FRMD4B: variants seen among roughly 807,000 people sequenced by gnomAD.
FRMD4B encodes the protein FERM domain containing 4B.
In FRMD4B, 74 loss-of-function variants were observed where a neutral mutation model predicts 141.5. The ratio of observed to expected loss-of-function variants is 0.52; its 90% CI spans 0.43 to 0.63. The LOEUF is 0.63. Among genes scored for constraint, FRMD4B ranks in the 30% least tolerant of loss-of-function variants. The pLI is 0.00. For synonymous variants in FRMD4B, 506 were observed against 467.9 expected (o/e 1.08, Z -1.05); for missense variants, 1,366 against 1,253.4 (o/e 1.09, Z -1.36).
At chr3:69,299,621 C>G (rs1459071033) in intron 4 of FRMD4B, among the ~76,000 whole-genome samples, 1 of 152,162 alleles carries the variant, frequency 6.6e-6, no homozygotes, top group African/African-American at 2.4e-5. Context: ...TTGCAATGTA[C>G]TTTTTCATCT....
intron 1 of FRMD4B, among the ~76,000 whole-genome samples, chr3:69,347,211 A>C (rs936213267): frequency 6.6e-6 from 1 of 152,230 alleles, no homozygotes; most frequent in African/African-American, 2.4e-5. Context: ...ACTTTAAACC[A>C]ACAAAGATCA....
intron 6 of FRMD4B, among the ~76,000 whole-genome samples, 158 bp downstream of exon 6, chr3:69,249,885 A>C (rs1337877817): frequency 6.6e-6 from 1 of 152,136 alleles, no homozygotes; most frequent in African/African-American, 2.4e-5. Context: ...AACTATTCTA[A>C]AGCAGAAGAC....
chr3:69,181,302 G>A lies in FRMD4B; in HGVS notation c.2448C>T (p.Asp816=). Residue 816 remains aspartate, a synonymous_variant, in exon 21 of 23, where the codon GAC becomes GAT. Transcript: ENST00000398540. ...AGACATAACCACCACTGTAATAAAA[G>A]TCACACTCTGCATAGGGTGTGTACC... ...IAGYTPYAEC[D]FYYSGGYVYE... 1 of 1,613,940 alleles carries A rather than the reference G, an allele frequency of 6.2e-7. No individual in the cohort carries two copies.
At chr3:69,205,254 C>T (rs559707965) in intron 11 of FRMD4B, among the ~76,000 whole-genome samples, 21 of 151,672 alleles carry the variant, frequency 1.4e-4, no homozygotes, top group Middle Eastern at 6.9e-3. Flanking sequence ...GCAGCAGCCT[C>T]GACTTCTCGG....
rs544144706 is a variant in FRMD4B, at chr3:69,392,704, T to C, written c.-1+39930A>G. 2.7e-3 allele frequency among the ~76,000 whole-genome samples: 406 copies of C among 152,182 alleles called. 3 individuals are homozygous for C. The highest frequency in any genetic ancestry group is 0.017 in the Middle Eastern group (5 of 294). On this transcript the variant is annotated intron_variant, in intron 2 of 5. Coordinates refer to the FRMD4B transcript ENST00000459638. ...AGGTTGGTGGGCAAAAGTGCCACCC[T>C]CAAAGCAAGCTTCTCTTGTGGCCTC...
intron 12 of FRMD4B, among the ~76,000 whole-genome samples, chr3:69,197,309 A>G (rs1355458855): frequency 6.6e-6 from 1 of 152,236 alleles, no homozygotes; most frequent in African/African-American, 2.4e-5. Flanking sequence ...ATTAGAGATT[A>G]TACAAAAACA....
At chr3:69,246,375 G>C (rs1208407870) in intron 7 of FRMD4B, among the ~76,000 whole-genome samples, 1 of 152,136 alleles carries the variant, frequency 6.6e-6, no homozygotes, top group Admixed American at 6.5e-5. Flanking sequence ...AGAACTGATT[G>C]AGCCAGGAGG....
intron 1 of FRMD4B, among the ~76,000 whole-genome samples, chr3:69,464,294 C>T (rs1233859335): frequency 6.6e-6 from 1 of 152,084 alleles, no homozygotes; most frequent in Non-Finnish European, 1.5e-5. Context: ...TTTCTGGTAA[C>T]AGGACAGAGG....
chr3:69,209,513 A>T (rs2093055876), intron 11 of FRMD4B, among the ~76,000 whole-genome samples: 1 of 152,152 alleles, frequency 6.6e-6, no homozygotes, highest in Non-Finnish European at 1.5e-5. Flanking sequence ...AGCAGACAAG[A>T]GTTATCTCAA....
At chr3:69,224,077 ATGTAAG>A (rs1024360484) in intron 8 of FRMD4B, among the ~76,000 whole-genome samples, 1 of 152,228 alleles carries the variant, frequency 6.6e-6, no homozygotes, top group Non-Finnish European at 1.5e-5. Context: ...TTTAACAAGA[ATGTAAG>A]TATTTTAAGG....
At chr3:69,236,532 A>G (rs1031304862) in intron 7 of FRMD4B, among the ~76,000 whole-genome samples, 2 of 152,088 alleles carry the variant, frequency 1.3e-5, no homozygotes, top group Non-Finnish European at 2.9e-5. Context: ...CCCGGCCCCA[A>G]ATTTGGTTTT....
At chr3:69,512,283 T>G (rs1324080594) in intron 1 of FRMD4B, among the ~76,000 whole-genome samples, 1 of 152,204 alleles carries the variant, frequency 6.6e-6, no homozygotes, top group Non-Finnish European at 1.5e-5. Context: ...TTTATTTACT[T>G]ATTTGGTTTT....
chr3:69,505,761 G>A (rs1706584979), intron 1 of FRMD4B, among the ~76,000 whole-genome samples: 1 of 152,166 alleles, frequency 6.6e-6, no homozygotes, highest in Non-Finnish European at 1.5e-5. Context: ...TTTTCTACAT[G>A]CTGTGGATTT....
chr3:69,196,363 T>A lies in FRMD4B; in HGVS notation c.1126A>T (p.Ile376Phe). The A allele has an allele frequency of 6.2e-7, 1 of 1,611,834 alleles. No individual in the cohort carries two copies. Among genetic ancestry groups the A allele is most frequent in the Non-Finnish European group, 8.5e-7 (1 of 1,179,110 alleles). Residue 376 changes from isoleucine (I) to phenylalanine (F), a missense_variant, in exon 14 of 23, where the codon ATT becomes TTT. Ile to Phe is a conservative substitution (Grantham distance 21). Transcript: ENST00000398540. The stretch of plus-strand genomic sequence containing the variant: ...CCTGTCTCTGTCAAATCCATTGCAA[T>A]CTCATCTAAACTCCTGGCTGAAGGA... ...KIPSARSLDE[I>F]AMDLTETGTQ...
intron 5 of FRMD4B, among the ~76,000 whole-genome samples, chr3:69,266,633 T>G (rs1025758410): frequency 6.6e-6 from 1 of 151,838 alleles, no homozygotes; most frequent in Admixed American, 6.6e-5. Flanking sequence ...GCCTGAAAAA[T>G]AGTTTTTAAA....
intron 1 of FRMD4B, among the ~76,000 whole-genome samples, chr3:69,478,733 G>C (rs1706052339): frequency 6.6e-6 from 1 of 152,150 alleles, no homozygotes; most frequent in Non-Finnish European, 1.5e-5. Flanking sequence ...GCTTGGTGCA[G>C]AGCTGAGTTC....
chr3:69,353,704 A>G, intron 1 of FRMD4B: 1 of 985,130 alleles, frequency 1.0e-6, no homozygotes, highest in Non-Finnish European at 1.2e-6. Flanking sequence ...CAGTGGAAGT[A>G]GGAACTTAAA....
intron 1 of FRMD4B, among the ~76,000 whole-genome samples, chr3:69,521,767 G>T (rs1700858628): frequency 6.6e-6 from 1 of 152,086 alleles, no homozygotes; most frequent in African/African-American, 2.4e-5. Context: ...CTCTTCCTAG[G>T]AATACCCACC....
chr3:69,315,271 C>T (rs1280812424), intron 1 of FRMD4B, among the ~76,000 whole-genome samples: 1 of 152,180 alleles, frequency 6.6e-6, no homozygotes, highest in Non-Finnish European at 1.5e-5. Flanking sequence ...CCTTGATTAA[C>T]TCATGTTCCA....
Sources: gnomAD v4.1 joint callset for allele counts (sites outside exome capture counted in the v4.1 genomes callset) on GRCh38, gnomAD v4.1.1 for gene constraint, MANE v1.5 for transcripts, NCBI Gene and HGNC (gene_info 2026-07-23, HGNC 2026-07-21) for gene names.